HHAT: variants seen among roughly 807,000 people sequenced by gnomAD.
HHAT encodes protein-cysteine N-palmitoyltransferase HHAT.
Under a neutral mutation model 70.8 loss-of-function variants are expected in HHAT, and 47 were observed. That is an observed-to-expected ratio of 0.66 (90% CI 0.53 to 0.85). The LOEUF is 0.85. HHAT is among the 40% of genes least tolerant of loss of function. The probability of loss-of-function intolerance (pLI) is 0.00; values close to 1 mark genes in which losing one functional copy is unlikely to be tolerated. For synonymous variants in HHAT, 228 were observed against 247.6 expected (o/e 0.92, Z 0.74); for missense variants, 609 against 604.8 (o/e 1.01, Z -0.07).
chr1:210,346,347 A>G (rs2086525686), intron 1 of HHAT, among the ~76,000 whole-genome samples: 2 of 152,332 alleles, frequency 1.3e-5, no homozygotes, highest in Admixed American at 1.3e-4. Flanking sequence ...CAGGCGAGAC[A>G]TTAAATTATA....
At chr1:210,602,297 G>T (rs72751405) in intron 10 of HHAT, among the ~76,000 whole-genome samples, 14 of 152,234 alleles carry the variant, frequency 9.2e-5, no homozygotes, top group African/African-American at 3.4e-4. Context: ...AAAGCATTAC[G>T]TGCGAGTGGC....
chr1:210,403,681 G>C (rs189022303), intron 5 of HHAT, among the ~76,000 whole-genome samples: 31 of 152,204 alleles, frequency 2.0e-4, no homozygotes, highest in Non-Finnish European at 3.7e-4. Context: ...TCTATTTCTC[G>C]TATGTATTTC....
chr1:210,419,046 G>GT (rs2092812791), intron 7 of HHAT, among the ~76,000 whole-genome samples: 1 of 151,916 alleles, frequency 6.6e-6, no homozygotes, highest in African/African-American at 2.4e-5. Context: ...AAAAGAATGA[G>GT]TTTCAGGATC....
Position 210,464,379 on chromosome 1 carries a change from G to T in HHAT, c.857-126G>T, listed in dbSNP as rs530645351. On this transcript the variant is annotated intron_variant, in intron 7 of 11. Coordinates refer to ENST00000261458, the MANE Select transcript of HHAT (RefSeq NM_018194.6). ...TGTGGAATACTTTTGTGAAATGTGC[G>T]AGTTGAAGGGAGGAAGGGGTGTGGG... is the stretch of plus-strand genomic sequence containing the variant. The T allele has an allele frequency of 6.1e-4, 530 of 862,442 alleles. 7 individuals carry two copies. The South Asian group carries it at 8.0e-3, about 13-fold the overall frequency. The allele number at this position is 862,442 out of a possible 1,614,324, so 53.4% of individuals were successfully genotyped here.
chr1:210,666,274 G>A (rs1443712055), intron 11 of HHAT, among the ~76,000 whole-genome samples: 6 of 152,170 alleles, frequency 3.9e-5, no homozygotes, highest in African/African-American at 4.8e-5. Context: ...TCTTCCTTGG[G>A]ATAGGAATTT....
rs1553312397 is a variant in HHAT, at chr1:210,637,871, A to AGGG, written c.1390+14207_1390+14209dup. 1.7e-3 allele frequency among the ~76,000 whole-genome samples: 205 copies of AGGG among 117,488 alleles called. 3 individuals carry two copies. The highest frequency in any genetic ancestry group is 6.5e-3 in the African/African-American group (200 of 30,988). 77.1% of individuals were successfully genotyped at this position (117,488 alleles called of 152,430 possible). A position where few individuals can be genotyped will look rare whatever the true frequency, so the allele number is the denominator to read the frequency against. On this transcript the variant is annotated intron_variant, in intron 11 of 11. Transcript: ENST00000261458. ...GAGACTCCGTCTCAAAAAAAAAAAA[A>AGGG]GGGGGGGGCAAAGGACCTGAATAGA...
chr1:210,622,668 G>A (rs933499188), intron 10 of HHAT, among the ~76,000 whole-genome samples: 6 of 152,160 alleles, frequency 3.9e-5, no homozygotes, highest in Non-Finnish European at 2.9e-5. Flanking sequence ...CGTGTGCTGC[G>A]GGTGAAGTGT....
intron 10 of HHAT, among the ~76,000 whole-genome samples, chr1:210,620,840 T>C (rs766694543): frequency 2.2e-4 from 34 of 152,048 alleles, no homozygotes; most frequent in African/African-American, 8.0e-4. Flanking sequence ...TTGCCCCCCC[T>C]CTCCTTCCTA....
intron 7 of HHAT, among the ~76,000 whole-genome samples, chr1:210,447,580 A>G (rs1023952885): frequency 1.3e-5 from 2 of 152,224 alleles, no homozygotes; most frequent in African/African-American, 4.8e-5. Context: ...CCAGTCAAGC[A>G]TTGGCTGAGG....
chr1:210,508,751 A>G (rs780343437), intron 8 of HHAT, among the ~76,000 whole-genome samples: 7 of 152,240 alleles, frequency 4.6e-5, no homozygotes, highest in Non-Finnish European at 8.8e-5. Context: ...CTCAAAAACA[A>G]AATATATGAG....
chr1:210,615,139 C>G (rs534320637), intron 10 of HHAT, among the ~76,000 whole-genome samples: 7 of 152,294 alleles, frequency 4.6e-5, no homozygotes, highest in East Asian at 1.9e-4. Flanking sequence ...TTGTGGTTTT[C>G]ATTTGCATTT....
intron 7 of HHAT, among the ~76,000 whole-genome samples, chr1:210,428,286 C>CTATATATATATATATA (rs66516721): frequency 9.9e-6 from 1 of 101,522 alleles, no homozygotes; most frequent in South Asian, 3.1e-4. Flanking sequence ...TGAGCTTATA[C>CTATATATATATATATA]TATATATATA....
intron 11 of HHAT, among the ~76,000 whole-genome samples, chr1:210,629,735 C>A (rs1331635130): frequency 6.6e-6 from 1 of 152,190 alleles, no homozygotes; most frequent in Non-Finnish European, 1.5e-5. Context: ...GTTTTCAAAG[C>A]CAGCAGTGTA....
At chr1:210,656,239 G>GGAGCCCTTCTAGACCTCCCATAGAA (rs1169600781) in intron 11 of HHAT, among the ~76,000 whole-genome samples, 522 of 152,142 alleles carry the variant, frequency 3.4e-3, no homozygotes, top group Middle Eastern at 6.8e-3. Flanking sequence ...GTCCCCATGT[G>GGAGCCCTTCTAGACCTCCCATAGAA]GAGCCCTTCT....
intron 9 of HHAT, among the ~76,000 whole-genome samples, chr1:210,527,675 C>T (rs978178864): frequency 6.6e-5 from 10 of 152,172 alleles, no homozygotes; most frequent in Admixed American, 3.9e-4. Flanking sequence ...GGGCCAGAAT[C>T]GTGGGGCTTG....
chr1:210,630,308 C>T (rs1670621586), intron 11 of HHAT, among the ~76,000 whole-genome samples: 1 of 152,140 alleles, frequency 6.6e-6, no homozygotes, highest in Non-Finnish European at 1.5e-5. Context: ...GTGGGCATCT[C>T]TAGAGGAGCC....
intron 4 of HHAT, among the ~76,000 whole-genome samples, chr1:210,388,915 A>T (rs1285160370): frequency 6.6e-6 from 1 of 152,184 alleles, no homozygotes. Flanking sequence ...TGTGAGGGGA[A>T]GATGATGTAC....
In HHAT at chr1:210,358,361, A is replaced by C. The variant is rs890686037; in HGVS notation, c.92-4491A>C. Among the ~76,000 whole-genome samples the C allele has an allele frequency of 4.6e-5, 7 of 152,202 alleles. No individual in the cohort carries two copies. The East Asian group carries it at 1.2e-3, about 25-fold the overall frequency. On this transcript the variant is annotated intron_variant, in intron 2 of 11. Coordinates refer to ENST00000261458, the MANE Select transcript of HHAT (RefSeq NM_018194.6). ...GAGCAGCCCCATTTGGGAGTTTTGA[A>C]GCACATTTATGCAGTGTCTCCTTTT...
intron 10 of HHAT, among the ~76,000 whole-genome samples, chr1:210,616,407 T>C (rs1667747812): frequency 6.6e-6 from 1 of 152,188 alleles, no homozygotes. Context: ...TTTGCTCTGT[T>C]AGATGTCATT....
Sources: gnomAD v4.1 joint callset for allele counts (sites outside exome capture counted in the v4.1 genomes callset) on GRCh38, gnomAD v4.1.1 for gene constraint, MANE v1.5 for transcripts, NCBI Gene and HGNC (gene_info 2026-07-23, HGNC 2026-07-21) for gene names.